FMN2: variants seen among roughly 807,000 people sequenced by gnomAD.
FMN2 encodes the protein formin-2.
In FMN2, 51 loss-of-function variants were observed where a neutral mutation model predicts 142.3. That is an observed-to-expected ratio of 0.36 (90% CI 0.29 to 0.45). The LOEUF (loss-of-function observed/expected upper bound fraction) is 0.45, where lower values mean the gene tolerates loss of function less well. Among genes scored for constraint, FMN2 ranks in the 20% least tolerant of loss-of-function variants. FMN2 has a pLI of 1.00. For missense variants in FMN2, 1,936 were observed against 2,122.8 expected (o/e 0.91, Z 1.73); for synonymous variants, 882 against 869.8 (o/e 1.01, Z -0.25).
intron 2 of FMN2, chr1:240,171,101 G>T (rs1232518493): frequency 2.1e-6 from 3 of 1,440,752 alleles, no homozygotes; most frequent in Admixed American, 3.4e-5. Flanking sequence ...CTGGTAACAG[G>T]TCGCACATGG....
At chr1:240,302,281 G>C (rs2102974510) in intron 8 of FMN2, among the ~76,000 whole-genome samples, 1 of 151,730 alleles carries the variant, frequency 6.6e-6, no homozygotes, top group African/African-American at 2.4e-5. Flanking sequence ...TTTTTAAAAG[G>C]CACCTACACA....
At chr1:240,330,008 G>A (rs998704385) in intron 10 of FMN2, among the ~76,000 whole-genome samples, 2 of 152,164 alleles carry the variant, frequency 1.3e-5, no homozygotes, top group African/African-American at 2.4e-5. Context: ...TGTTCTAGTT[G>A]CGGTAAATCA....
At chr1:240,424,286 A>G (rs1674864379) in intron 15 of FMN2, among the ~76,000 whole-genome samples, 1 of 152,166 alleles carries the variant, frequency 6.6e-6, no homozygotes. Flanking sequence ...TTTCCATATA[A>G]ATAAAATGAG....
chr1:240,404,377 G>A (rs1674081689), intron 15 of FMN2, among the ~76,000 whole-genome samples: 1 of 152,204 alleles, frequency 6.6e-6, no homozygotes, highest in Admixed American at 6.5e-5. Context: ...AAAGACTACA[G>A]GTCTGTGTTT....
chr1:240,461,629 T>G (rs2103229894), intron 16 of FMN2, among the ~76,000 whole-genome samples: 1 of 152,360 alleles, frequency 6.6e-6, no homozygotes, highest in South Asian at 2.1e-4. Context: ...TTCATAGTAA[T>G]AATGGCTAGA....
At chr1:240,171,285 G>A (rs1032841487) in intron 2 of FMN2, 25 of 735,318 alleles carry the variant, frequency 3.4e-5, no homozygotes, top group Middle Eastern at 3.9e-4. Context: ...GAACTGTTGT[G>A]AAGATTTAAT....
At chr1:240,253,431 A>G (rs978343904) in intron 6 of FMN2, among the ~76,000 whole-genome samples, 3 of 152,120 alleles carry the variant, frequency 2.0e-5, no homozygotes, top group Middle Eastern at 3.4e-3. Flanking sequence ...CCATCCCAGA[A>G]TTTCTGTTTG....
chr1:240,185,758 C>T lies in FMN2; in HGVS notation c.1931-2449C>T, dbSNP rs180864212. On this transcript the variant is annotated intron_variant, in intron 3 of 17. Transcript: ENST00000319653. ...GGAGAGCCTTTAGGCTCTTGTGGCACGATCTAAATAGAAGAGGAAGAGAGA... is the reference window on the plus strand; with the variant it reads ...GGAGAGCCTTTAGGCTCTTGTGGCATGATCTAAATAGAAGAGGAAGAGAGA... Among the ~76,000 whole-genome samples, 179 of 152,216 alleles carry T rather than the reference C, an allele frequency of 1.2e-3. 1 individual carries two copies. Among genetic ancestry groups the T allele is most frequent in the African/African-American group, 3.7e-3 (154 of 41,528 alleles).
chr1:240,285,109 A>G, intron 7 of FMN2: 1 of 370,188 alleles, frequency 2.7e-6, no homozygotes, highest in South Asian at 2.0e-5. Flanking sequence ...TTTTGTTTGA[A>G]GAAACATTTT....
intron 16 of FMN2, chr1:240,459,482 G>A (rs558549171): frequency 6.6e-6 from 1 of 152,344 alleles, no homozygotes; most frequent in Non-Finnish European, 1.5e-5. Context: ...CACTTTGGGA[G>A]GCTGAGGTGG....
Position 240,453,237 on chromosome 1 carries a change from G to C in FMN2, c.5060+15027G>C, listed in dbSNP as rs1186833824. Among the ~76,000 whole-genome samples, 5 of 152,122 alleles carry C rather than the reference G, an allele frequency of 3.3e-5. No homozygotes were observed. In the East Asian group the frequency reaches 9.6e-4, roughly 29 times the overall value. On this transcript the variant is annotated intron_variant, in intron 16 of 17. Transcript: ENST00000319653. ...AAAGCAATAAACTTACTATGAGAAA[G>C]ATTTAGCACTAAATAAATTCATAGA...
Position 240,222,369 on chromosome 1 carries a change from AC to A in FMN2, c.4065+11136del, listed in dbSNP as rs558861403. Among the ~76,000 whole-genome samples, 17 of 152,294 alleles carry A rather than the reference AC, an allele frequency of 1.1e-4. No homozygotes were observed. In the South Asian group the frequency reaches 3.5e-3, roughly 32 times the overall value. On this transcript the variant is annotated intron_variant, in intron 6 of 17. Transcript: ENST00000319653. ...TCTATATATCTGTTTTGGTACCAGT[AC>A]CATGCTGTTTTGGTTACTGTAGCCT...
chr1:240,297,117 GTATC>G (rs1257238975), intron 8 of FMN2, among the ~76,000 whole-genome samples: 1 of 152,012 alleles, frequency 6.6e-6, no homozygotes, highest in African/African-American at 2.4e-5. Context: ...TGGTGTGTGT[GTATC>G]TATCTATCTT....
intron 7 of FMN2, among the ~76,000 whole-genome samples, chr1:240,262,865 A>G (rs533856399): frequency 2.6e-5 from 4 of 151,126 alleles, no homozygotes; most frequent in African/African-American, 2.4e-5. Context: ...GGTTCAAGCA[A>G]TTCTTATCCC....
chr1:240,389,289 G>A (rs1173678633), intron 14 of FMN2, among the ~76,000 whole-genome samples: 2 of 152,074 alleles, frequency 1.3e-5, no homozygotes, highest in East Asian at 1.9e-4. Flanking sequence ...AATATTTTTT[G>A]TACTTCTAGA....
intron 14 of FMN2, among the ~76,000 whole-genome samples, chr1:240,374,936 TA>T (rs1672994845): frequency 1.3e-5 from 2 of 152,308 alleles, no homozygotes; most frequent in East Asian, 3.9e-4. Flanking sequence ...CCTGAGCACT[TA>T]GAGGCCTGTA....
At chr1:240,399,515 G>T (rs961806511) in intron 15 of FMN2, among the ~76,000 whole-genome samples, 1 of 152,140 alleles carries the variant, frequency 6.6e-6, no homozygotes, top group African/African-American at 2.4e-5. Flanking sequence ...CGCTGCAGGA[G>T]CTCTAATCCA....
At chr1:240,266,216 A>G (rs1006188762) in intron 7 of FMN2, among the ~76,000 whole-genome samples, 9 of 151,616 alleles carry the variant, frequency 5.9e-5, no homozygotes, top group Non-Finnish European at 7.4e-5. Context: ...CCCAGTGTCT[A>G]TTGTTGCCAT....
intron 14 of FMN2, among the ~76,000 whole-genome samples, chr1:240,363,853 A>C (rs1672573226): frequency 6.6e-6 from 1 of 151,850 alleles, no homozygotes. Flanking sequence ...CTGATGGCTC[A>C]GGTGTCCCCA....
Sources: allele counts gnomAD v4.1 joint callset (sites outside exome capture counted in the v4.1 genomes callset), GRCh38; gene constraint gnomAD v4.1.1; transcripts MANE v1.5; gene names NCBI Gene and HGNC (gene_info 2026-07-23, HGNC 2026-07-21).